FREM2: variants seen among roughly 807,000 people sequenced by gnomAD.
FREM2 encodes FRAS1-related extracellular matrix protein 2.
In FREM2, 119 loss-of-function variants were observed where a neutral mutation model predicts 219.9. The observed-to-expected ratio is 0.54, with a 90% CI of 0.47 to 0.63. The LOEUF (loss-of-function observed/expected upper bound fraction) is 0.63, where lower values mean the gene tolerates loss of function less well. Ranked by LOEUF, FREM2 falls within the 30% of genes least tolerant of loss-of-function variation. The probability of loss-of-function intolerance (pLI) is 0.00; values close to 1 mark genes in which losing one functional copy is unlikely to be tolerated. For synonymous variants in FREM2, 1,562 were observed against 1,522.8 expected (o/e 1.03, Z -0.60); for missense variants, 4,030 against 3,993.6 (o/e 1.01, Z -0.25).
At position 38,846,641 on chromosome 13, in the gene FREM2, G is replaced by C. The variant is rs116046652; in HGVS notation, c.6088G>C (p.Val2030Leu). The C allele has an allele frequency of 4.2e-5, 68 of 1,613,852 alleles. No homozygotes were observed. The African/African-American group carries it at 6.8e-4, about 16-fold the overall frequency. ...DESAGYVEVQVWRTGTDLSKS... is the reference protein window; with the variant it reads ...DESAGYVEVQLWRTGTDLSKS... Reference sequence around the variant, plus strand: ...GAGTGCTGGCTATGTGGAAGTGCAGGTGTGGAGAACGGGCACTGACCTGTC... The same window carrying C: ...GAGTGCTGGCTATGTGGAAGTGCAGCTGTGGAGAACGGGCACTGACCTGTC... The change falls in exon 7 of 24, where the codon GTG (valine) becomes CTG (leucine). Residue 2030 changes from valine to leucine, a missense_variant. By Grantham distance (32) the Val-to-Leu change is conservative (BLOSUM62 1). Around this residue, in one of 2 missense-constraint regions of FREM2, gnomAD observed 3,102 missense variants for 2,950.7 expected, o/e 1.05. Transcript: ENST00000280481.
At position 38,688,509 on chromosome 13, in the gene FREM2, C is replaced by T. The variant is rs747164291; in HGVS notation, c.1165C>T (p.Arg389Trp). The change falls in exon 1 of 24, where the codon CGG (arginine) becomes TGG (tryptophan). Residue 389 changes from arginine to tryptophan, a missense_variant. Arg to Trp is a moderately radical substitution (Grantham distance 101). Coordinates refer to ENST00000280481, the MANE Select transcript of FREM2 (RefSeq NM_207361.6). ...PLSSFTQRDLRLLKIAYQPPS... is the reference protein window; with the variant it reads ...PLSSFTQRDLWLLKIAYQPPS... ...TTCCTCCTTCACTCAGAGGGATCTG[C>T]GGCTCCTGAAGATTGCCTACCAGCC... The T allele has an allele frequency of 4.3e-6, 7 of 1,613,968 alleles. No individual in the cohort carries two copies. The highest frequency in any genetic ancestry group is 5.9e-6 in the Non-Finnish European group (7 of 1,179,974).
Position 38,878,686 on chromosome 13 carries a change from A to G in FREM2, c.8860-145A>G, listed in dbSNP as rs1399783583. On this transcript the variant is annotated intron_variant, in intron 22 of 23. Coordinates refer to ENST00000280481, the MANE Select transcript of FREM2 (RefSeq NM_207361.6). ...CCCGTCTCTTAAAAAAAATAGAAAA[A>G]CCAACAAAATGATCATTTTTAGTAA... 6.8e-6 allele frequency: 6 copies of G among 876,946 alleles called. No homozygotes were observed. The African/African-American group carries it at 8.4e-5, about 12-fold the overall frequency. The allele number at this position is 876,946 out of a possible 1,614,324, so 54.3% of individuals were successfully genotyped here. A position where few individuals can be genotyped will look rare whatever the true frequency, so the allele number is the denominator to read the frequency against.
rs1286018929 is a variant in FREM2 at position 38,883,814 on chromosome 13, A to G, written c.*3027A>G. On this transcript the variant is annotated 3_prime_UTR_variant, in exon 24 of 24. Transcript: ENST00000280481. ...TTAAAAATCTTTCTAGAATAACAAC[A>G]GCAGACTCCACTCTTGTTTGTCTAA... is the stretch of plus-strand genomic sequence containing the variant. 6.6e-6 allele frequency: 1 copy of G among 152,214 alleles called. No homozygotes were observed. The highest frequency in any genetic ancestry group is 1.5e-5 in the Non-Finnish European group (1 of 68,026). The allele number at this position is 152,214 out of a possible 1,614,324, so 9.4% of individuals were successfully genotyped here.
intron 6 of FREM2, among the ~76,000 whole-genome samples, chr13:38,840,625 A>AATAT (rs66795118): frequency 8.1e-5 from 11 of 135,138 alleles, no homozygotes; most frequent in East Asian, 2.1e-4. Flanking sequence ...ATAAAACTAA[A>AATAT]ATATATATAT....
At chr13:38,712,411 G>A (rs1488695813) in intron 2 of FREM2, among the ~76,000 whole-genome samples, 1 of 152,128 alleles carries the variant, frequency 6.6e-6, no homozygotes. Context: ...TACCAATATA[G>A]CTAAATACAA....
chr13:38,804,963 C>G (rs565060554), intron 6 of FREM2, among the ~76,000 whole-genome samples: 2 of 152,108 alleles, frequency 1.3e-5, no homozygotes, highest in Non-Finnish European at 1.5e-5. Flanking sequence ...GCTTTCTTCT[C>G]TAGCCAATTT....
rs1287397893 is a variant in FREM2, at chr13:38,834,060, G to T, written c.6020-12513G>T. On this transcript the variant is annotated intron_variant, in intron 6 of 23. Coordinates refer to ENST00000280481, the MANE Select transcript of FREM2 (RefSeq NM_207361.6). ...ATACTTTAAGTTCTGGGATACATGTGCAGAACGTGCTAGTTTGTTACATAG... is the reference window on the plus strand; with the variant it reads ...ATACTTTAAGTTCTGGGATACATGTTCAGAACGTGCTAGTTTGTTACATAG... 6.6e-5 allele frequency among the ~76,000 whole-genome samples: 10 copies of T among 152,076 alleles called. 1 individual carries two copies. Among genetic ancestry groups the T allele is most frequent in the African/African-American group, 2.4e-4 (10 of 41,398 alleles).
At chr13:38,784,907 A>T (rs1353967234) in intron 6 of FREM2, 99 bp downstream of exon 6, 1 of 1,272,066 alleles carries the variant, frequency 7.9e-7, no homozygotes, top group Non-Finnish European at 1.1e-6. Flanking sequence ...CAATGATAAT[A>T]TACACATTTA....
At chr13:38,848,325 A>C in intron 7 of FREM2, 136 bp from the exon 8 acceptor site, 1 of 711,192 alleles carries the variant, frequency 1.4e-6, no homozygotes, top group Non-Finnish European at 2.4e-6. Flanking sequence ...CTTTTATTAA[A>C]TGTACTTTTC....
Position 38,785,149 on chromosome 13 carries a change from T to C in FREM2, c.6019+341T>C, listed in dbSNP as rs537427536. 3.9e-5 allele frequency among the ~76,000 whole-genome samples: 6 copies of C among 152,330 alleles called. 1 individual carries two copies. The South Asian group carries it at 1.2e-3, about 32-fold the overall frequency. On this transcript the variant is annotated intron_variant, in intron 6 of 23. Transcript: ENST00000280481. ...TTCTTGGTTTTTTGTTTTGTTTTGC[T>C]TTTAAAAGCTTATATTTTGTAACTT...
At chr13:38,841,480 C>T (rs1190140549) in intron 6 of FREM2, among the ~76,000 whole-genome samples, 2 of 151,776 alleles carry the variant, frequency 1.3e-5, no homozygotes, top group Admixed American at 1.3e-4. Flanking sequence ...GAGGCCCTAG[C>T]GTCTGTATTT....
chr13:38,813,718 T>C (rs956385236), intron 6 of FREM2, among the ~76,000 whole-genome samples: 40 of 150,962 alleles, frequency 2.6e-4, no homozygotes, highest in African/African-American at 9.0e-4. Context: ...AACCTTCTCG[T>C]ACTTGAATGT....
chr13:38,813,216 C>T (rs1875563984), intron 6 of FREM2, among the ~76,000 whole-genome samples: 1 of 151,982 alleles, frequency 6.6e-6, no homozygotes, highest in South Asian at 2.1e-4. Context: ...GATTGAAGAA[C>T]CTCCTTTAGC....
chr13:38,741,181 T>C (rs1872229437), intron 2 of FREM2, among the ~76,000 whole-genome samples: 1 of 152,156 alleles, frequency 6.6e-6, no homozygotes, highest in Non-Finnish European at 1.5e-5. Flanking sequence ...CACGTGTTTC[T>C]TCCACTAAAA....
chr13:38,868,830 C>G (rs1878060623), intron 16 of FREM2, among the ~76,000 whole-genome samples: 2 of 152,164 alleles, frequency 1.3e-5, no homozygotes, highest in Non-Finnish European at 2.9e-5. Context: ...TGAGAGCCTT[C>G]CAAACTTTTG....
intron 11 of FREM2, among the ~76,000 whole-genome samples, chr13:38,855,065 C>T (rs759194702): frequency 4.5e-4 from 69 of 152,078 alleles, no homozygotes; most frequent in Non-Finnish European, 4.9e-4. Context: ...TGCTTAATTA[C>T]GATTTCAATA....
Position 38,764,371 on chromosome 13 carries a change from T to C in FREM2, c.5331T>C (p.Tyr1777=), listed in dbSNP as rs899625164. The part of the protein sequence containing the change: ...NWAWISFEKE[Y]YLVNEDSKFL... The stretch of plus-strand genomic sequence containing the variant: ...CATGGATCTCCTTTGAAAAGGAATA[T>C]TACCTGGTCAATGAGGACTCCAAAT... Residue 1777 remains tyrosine, a synonymous_variant, in exon 3 of 24, where the codon TAT becomes TAC. Transcript: ENST00000280481. 1.9e-6 allele frequency: 3 copies of C among 1,606,056 alleles called. No individual in the cohort carries two copies. Among genetic ancestry groups the C allele is most frequent in the Non-Finnish European group, 2.6e-6 (3 of 1,172,976 alleles).
intron 2 of FREM2, among the ~76,000 whole-genome samples, chr13:38,715,132 G>T (rs1870945922): frequency 6.6e-6 from 1 of 152,030 alleles, no homozygotes; most frequent in Non-Finnish European, 1.5e-5. Flanking sequence ...ACTTAAAAAT[G>T]ATTTCTGTAG....
chr13:38,769,900 A>G lies in FREM2; in HGVS notation c.5641+92A>G, dbSNP rs564614345. On this transcript the variant is annotated intron_variant, in intron 4 of 23. Coordinates refer to ENST00000280481, the MANE Select transcript of FREM2 (RefSeq NM_207361.6). ...GGTATAGCTTACAGTTTTAAATTCAATGTTTGAAATTTCCATAGAGAGAAC... is the reference window on the plus strand; with the variant it reads ...GGTATAGCTTACAGTTTTAAATTCAGTGTTTGAAATTTCCATAGAGAGAAC... The G allele has an allele frequency of 1.8e-4, 170 of 919,810 alleles. 1 individual carries two copies. The South Asian group carries it at 1.9e-3, about 10-fold the overall frequency. 57.0% of individuals were successfully genotyped at this position (919,810 alleles called of 1,614,324 possible).
Sources: allele counts gnomAD v4.1 joint callset (sites outside exome capture counted in the v4.1 genomes callset), GRCh38; gene constraint gnomAD v4.1.1; regional missense constraint gnomAD v4.1.1; transcripts MANE v1.5; gene names NCBI Gene and HGNC (gene_info 2026-07-23, HGNC 2026-07-21).